CERT1: variants seen among roughly 807,000 people sequenced by gnomAD.
CERT1 encodes ceramide transfer protein.
In CERT1, 31 loss-of-function variants were observed where a neutral mutation model predicts 87.9. The ratio of observed to expected loss-of-function variants is 0.35; its 90% confidence interval spans 0.27 to 0.48. The LOEUF is 0.48. Ranked by LOEUF, CERT1 falls within the 20% of genes least tolerant of loss-of-function variation. The probability of loss-of-function intolerance (pLI) is 0.99; values close to 1 mark genes in which losing one functional copy is unlikely to be tolerated. For missense variants in CERT1, 487 were observed against 758.0 expected, an observed-to-expected ratio of 0.64 and a Z score of 4.20; for synonymous variants, 289 against 250.9, an observed-to-expected ratio of 1.15 and a Z score of -1.44.
intron 8 of CERT1, among the ~76,000 whole-genome samples, chr5:75,403,666 T>A (rs1434058618): frequency 6.6e-6 from 1 of 152,194 alleles, no homozygotes. Context: ...CAGGTAATTG[T>A]TTCATGGGGA....
intron 8 of CERT1, 140 bp downstream of exon 8, chr5:75,410,871 T>C (rs1762908625): frequency 2.1e-6 from 1 of 468,010 alleles, no homozygotes; most frequent in Non-Finnish European, 3.7e-6. Context: ...TATCATGAAA[T>C]ATACACTGAA....
intron 6 of CERT1, among the ~76,000 whole-genome samples, chr5:75,417,947 G>C (rs1163265230): frequency 4.6e-5 from 7 of 152,166 alleles, no homozygotes; most frequent in African/African-American, 1.4e-4. Context: ...ACCTGAAGCT[G>C]GGAGTTCGAG....
At chr5:75,457,423 A>C (rs1255677396) in intron 3 of CERT1, among the ~76,000 whole-genome samples, 2 of 152,214 alleles carry the variant, frequency 1.3e-5, no homozygotes, top group Admixed American at 1.3e-4. Context: ...GGCTGCATGC[A>C]TGGCCTGGCT....
At chr5:75,389,210 G>A (rs1705939815) in intron 12 of CERT1, among the ~76,000 whole-genome samples, 1 of 152,132 alleles carries the variant, frequency 6.6e-6, no homozygotes, top group South Asian at 2.1e-4. Flanking sequence ...GACCAAAAAG[G>A]GAGAGAAACA....
At chr5:75,421,617 T>G (rs1039010461) in intron 5 of CERT1, among the ~76,000 whole-genome samples, 2 of 152,220 alleles carry the variant, frequency 1.3e-5, no homozygotes, top group African/African-American at 4.8e-5. Context: ...TTAGATACAT[T>G]ATTTTTAAAC....
intron 2 of CERT1, among the ~76,000 whole-genome samples, chr5:75,496,388 A>G (rs1580855130): frequency 6.6e-6 from 1 of 152,182 alleles, no homozygotes; most frequent in Admixed American, 6.5e-5. Context: ...GTAAACTGGT[A>G]CCGCCACTTT....
intron 9 of CERT1, chr5:75,402,128 G>C (rs1285816576): frequency 1.3e-5 from 2 of 152,018 alleles, no homozygotes; most frequent in Non-Finnish European, 2.9e-5. Context: ...ACAGCAGCTG[G>C]GTGTAACTGC....
At position 75,382,057 on chromosome 5, in the gene CERT1, C is replaced by T. The variant is rs1761608764; in HGVS notation, c.1509G>A (p.Gln503=). The part of the protein sequence containing the change: ...QTHKRVWPAS[Q]RDVLYLSVIR... ...TGACAGAAAGATATAATACGTCTCGCTGAGAAGCAGGCCACACCCTCTGTG... is the reference window on the plus strand; with the variant it reads ...TGACAGAAAGATATAATACGTCTCGTTGAGAAGCAGGCCACACCCTCTGTG... The change falls in exon 15 of 17, where the codon CAG becomes CAA. Residue 503 remains glutamine, a synonymous_variant. Transcript: ENST00000643780. The T allele has an allele frequency of 6.2e-7, 1 of 1,613,944 alleles. No homozygotes were observed. Among genetic ancestry groups the T allele is most frequent in the Non-Finnish European group, 8.5e-7 (1 of 1,179,930 alleles).
At chr5:75,477,659 A>AC (rs1766023889) in intron 2 of CERT1, among the ~76,000 whole-genome samples, 1 of 150,070 alleles carries the variant, frequency 6.7e-6, no homozygotes, top group East Asian at 1.9e-4. Context: ...AAAAAAAAAA[A>AC]AAAAAAAAAA....
At chr5:75,404,291 T>TAAAAAAAAAAAAAA (rs11349407) in intron 8 of CERT1, among the ~76,000 whole-genome samples, 1 of 84,044 alleles carries the variant, frequency 1.2e-5, no homozygotes, top group Non-Finnish European at 2.5e-5. Flanking sequence ...ACCTACTTCA[T>TAAAAAAAAAAAAAA]AAAAAAAAAA....
intron 2 of CERT1, among the ~76,000 whole-genome samples, chr5:75,493,960 T>C (rs1387566215): frequency 6.6e-6 from 1 of 152,198 alleles, no homozygotes; most frequent in Admixed American, 6.5e-5. Context: ...AGAGCTCTTT[T>C]TTAACCTCTT....
rs141090360 is a variant in CERT1 at position 75,414,243 on chromosome 5, G to C, written c.837+2633C>G. Reference sequence around the variant, plus strand: ...AAACCATATGATCACCTCTTGGGGTGGTGGTATGATATGGAATAGGAAGGA... The same window carrying C: ...AAACCATATGATCACCTCTTGGGGTCGTGGTATGATATGGAATAGGAAGGA... On this transcript the variant is annotated intron_variant, in intron 7 of 16. Coordinates refer to ENST00000643780, the MANE Select transcript of CERT1 (RefSeq NM_001379029.1). Among the ~76,000 whole-genome samples, 1,207 of 152,232 alleles carry C rather than the reference G, an allele frequency of 7.9e-3. 13 individuals carry two copies. The highest frequency in any genetic ancestry group is 0.013 in the Non-Finnish European group (863 of 68,008).
chr5:75,376,212 A>C (rs1761306361), downstream of CERT1: 1 of 152,228 alleles, frequency 6.6e-6, no homozygotes, highest in South Asian at 2.1e-4. Context: ...TTAAAAAATT[A>C]TTCTTCTCAA....
At chr5:75,420,662 T>C (rs908625495) in intron 5 of CERT1, among the ~76,000 whole-genome samples, 1 of 152,168 alleles carries the variant, frequency 6.6e-6, no homozygotes. Context: ...ACAGAATCTC[T>C]CTTGTTCTAC....
intron 2 of CERT1, among the ~76,000 whole-genome samples, chr5:75,459,452 TTTGAG>T (rs1222088026): frequency 3.9e-5 from 6 of 152,156 alleles, no homozygotes; most frequent in South Asian, 2.1e-4. Context: ...CATCAAATGC[TTTGAG>T]TTAACTAGTG....
At chr5:75,443,501 A>C (rs1349014473) in intron 3 of CERT1, among the ~76,000 whole-genome samples, 2 of 152,202 alleles carry the variant, frequency 1.3e-5, no homozygotes, top group Non-Finnish European at 2.9e-5. Flanking sequence ...ACTTGTTACT[A>C]ATTTCTCAAG....
At chr5:75,399,178 A>G (rs1241152317) in intron 11 of CERT1, 132 bp downstream of exon 11, 2 of 666,304 alleles carry the variant, frequency 3.0e-6, no homozygotes, top group Non-Finnish European at 5.4e-6. Flanking sequence ...AGACCTTTTT[A>G]ATGCTTAATG....
Position 75,378,451 on chromosome 5 carries a change from C to T in CERT1, c.*895G>A, listed in dbSNP as rs1386929106. 4 of 152,084 alleles carry T rather than the reference C, an allele frequency of 2.6e-5. No individual in the cohort carries two copies. The highest frequency in any genetic ancestry group is 1.9e-4 in the East Asian group (1 of 5,178). 9.4% of individuals were successfully genotyped at this position (152,084 alleles called of 1,614,324 possible). A position where few individuals can be genotyped will look rare whatever the true frequency, so the allele number is the denominator to read the frequency against. On this transcript the variant is annotated 3_prime_UTR_variant, in exon 17 of 17. Coordinates refer to ENST00000643780, the MANE Select transcript of CERT1 (RefSeq NM_001379029.1). ...CACCAAAATAAAGTTAAAGATTCTA[C>T]CTCTTTGCATAAAGGTGTTCAGTGC...
At chr5:75,368,919 T>A (rs1760987237) in intron 17 of CERT1, 1 of 145,718 alleles carries the variant, frequency 6.9e-6, no homozygotes, top group Admixed American at 6.7e-5. Context: ...GTTGAAAACT[T>A]TTTTTTTTTT....
Sources: gnomAD v4.1 joint callset for allele counts (sites outside exome capture counted in the v4.1 genomes callset) on GRCh38, gnomAD v4.1.1 for gene constraint, MANE v1.5 for transcripts, NCBI Gene and HGNC (gene_info 2026-07-23, HGNC 2026-07-21) for gene names.